NLRP7: variants seen among roughly 807,000 people sequenced by gnomAD.
NLRP7 encodes the protein NLR family pyrin domain containing 7, also known as NACHT, LRR and PYD domains-containing protein 7.
In NLRP7, 72 loss-of-function variants were observed where a neutral mutation model predicts 85.5. The observed-to-expected ratio is 0.84, with a 90% CI of 0.70 to 1.02. The LOEUF is 1.02. NLRP7 is among the 50% of genes least tolerant of loss of function. The pLI is 0.00. For missense variants in NLRP7, 1,243 were observed against 1,219.5 expected (o/e 1.02, Z -0.29); for synonymous variants, 550 against 505.2 (o/e 1.09, Z -1.19).
intron 9 of NLRP7, among the ~76,000 whole-genome samples, chr19:54,924,673 C>T (rs902625306): frequency 4.6e-5 from 7 of 152,114 alleles, no homozygotes; most frequent in Admixed American, 6.6e-5. Context: ...CGGTGACTCA[C>T]GCCTATAATT....
intron 1 of NLRP7, among the ~76,000 whole-genome samples, chr19:54,945,056 G>A (rs1024070268): frequency 6.6e-6 from 1 of 151,492 alleles, no homozygotes; most frequent in Admixed American, 6.6e-5. Flanking sequence ...TGGCTAACAC[G>A]GTGAAACCCC....
At chr19:54,940,568 T>A in intron 3 of NLRP7, 102 bp from the exon 4 acceptor site, 1 of 1,386,882 alleles carries the variant, frequency 7.2e-7, no homozygotes. Flanking sequence ...GTCTCATGCT[T>A]GTAATCCCGG....
intron 1 of NLRP7, 105 bp from the exon 2 acceptor site, chr19:54,941,855 T>G: frequency 1.2e-6 from 1 of 862,640 alleles, no homozygotes; most frequent in African/African-American, 1.7e-5. Flanking sequence ...CAGTGAGTGG[T>G]AAAATATTCC....
intron 1 of NLRP7, among the ~76,000 whole-genome samples, chr19:54,962,790 G>T (rs530616398): frequency 1.3e-5 from 2 of 150,192 alleles, no homozygotes; most frequent in Non-Finnish European, 3.0e-5. Flanking sequence ...TAGTAGAGAC[G>T]GGGTTTCACC....
At chr19:54,929,472 T>C (rs1301592102) in intron 9 of NLRP7, among the ~76,000 whole-genome samples, 1 of 152,214 alleles carries the variant, frequency 6.6e-6, no homozygotes, top group Non-Finnish European at 1.5e-5. Flanking sequence ...TTGCAGATTC[T>C]AGTTGGAAAA....
exon 5 of NLRP7, chr19:54,938,208 C>A (rs188306421): frequency 6.2e-7 from 1 of 1,613,964 alleles, no homozygotes; most frequent in Non-Finnish European, 8.5e-7. Context: ...GAAGATCCTG[C>A]CGAGCCCAGT....
chr19:54,935,211 G>A (rs1298769191), intron 6 of NLRP7, among the ~76,000 whole-genome samples: 1 of 130,586 alleles, frequency 7.7e-6, no homozygotes, highest in East Asian at 2.3e-4. Context: ...GGCCTGTGTG[G>A]ATGATTTTGC....
rs1424485231 is a variant in NLRP7 at position 54,923,968 on chromosome 19, G to A, written c.2811-96C>T. ...TTTTCAAACACTCAAAGCAGGAAAC[G>A]TTTTTGGGATTTTCTGGGGGACAGG... is the stretch of plus-strand genomic sequence containing the variant. On this transcript the variant is annotated intron_variant, in intron 9 of 9. Transcript: ENST00000340844. The A allele has an allele frequency of 3.6e-6, 5 of 1,399,686 alleles. No individual in the cohort carries two copies. The African/African-American group carries it at 4.2e-5, about 12-fold the overall frequency. 86.7% of individuals were successfully genotyped at this position (1,399,686 alleles called of 1,614,324 possible).
chr19:54,963,597 G>C (rs764043775), intron 1 of NLRP7, among the ~76,000 whole-genome samples: 1 of 152,030 alleles, frequency 6.6e-6, no homozygotes, highest in Non-Finnish European at 1.5e-5. Flanking sequence ...GCCGAGGTGA[G>C]CAGATTACCT....
At chr19:54,928,379 G>C in intron 9 of NLRP7, among the ~76,000 whole-genome samples, 1 of 152,158 alleles carries the variant, frequency 6.6e-6, no homozygotes, top group East Asian at 1.9e-4. Flanking sequence ...GGGTGAAAGA[G>C]TGAGACTTGG....
At chr19:54,940,414 C>T (rs927467704) in exon 4 of NLRP7, 49 of 1,613,916 alleles carry the variant, frequency 3.0e-5, no homozygotes, top group African/African-American at 4.0e-5. Flanking sequence ...AAAAGGTGTT[C>T]TTCCAGACCA....
rs1442449107 is a variant in NLRP7, at chr19:54,965,543, C to T, written c.-77+497G>A. Among the ~76,000 whole-genome samples, 2 of 91,880 alleles carry T rather than the reference C, an allele frequency of 2.2e-5. 1 individual carries two copies. Among genetic ancestry groups the T allele is most frequent in the Non-Finnish European group, 4.6e-5 (2 of 43,844 alleles). The allele number at this position is 91,880 out of a possible 152,430, so 60.3% of individuals were successfully genotyped here. The stretch of plus-strand genomic sequence containing the variant: ...CGATCTCTGCTCACTGCAAGCTCCG[C>T]CTCCCGGGTTCACGCCATTCTCCTG... On this transcript the variant is annotated intron_variant, in intron 1 of 2. Coordinates refer to the NLRP7 transcript ENST00000587103.
At chr19:54,950,228 C>T (rs963022790), upstream of NLRP7, among the ~76,000 whole-genome samples, 1 of 152,146 alleles carries the variant, frequency 6.6e-6, no homozygotes, top group Non-Finnish European at 1.5e-5. Flanking sequence ...TCGGACTCCT[C>T]TAAACCTCCC....
chr19:54,933,866 G>T, intron 7 of NLRP7, 127 bp from the exon 8 acceptor site: 1 of 824,954 alleles, frequency 1.2e-6, no homozygotes, highest in Non-Finnish European at 2.1e-6. Context: ...CCTCTGTCCT[G>T]TGGGAGTCAT....
intron 1 of NLRP7, among the ~76,000 whole-genome samples, chr19:54,959,306 T>C (rs1222191232): frequency 6.7e-6 from 1 of 149,292 alleles, no homozygotes; most frequent in Non-Finnish European, 1.5e-5. Flanking sequence ...GCCCGGCTAA[T>C]TTTTGTATTT....
intron 9 of NLRP7, among the ~76,000 whole-genome samples, chr19:54,924,421 A>C (rs916366935): frequency 6.6e-6 from 1 of 151,738 alleles, no homozygotes; most frequent in Non-Finnish European, 1.5e-5. Flanking sequence ...TCCGCAGTTC[A>C]AGGCCAGCCT....
chr19:54,954,246 G>T (rs968098318), intron 1 of NLRP7, among the ~76,000 whole-genome samples: 2 of 148,398 alleles, frequency 1.3e-5, no homozygotes, highest in Non-Finnish European at 3.0e-5. Context: ...ATGGGCAACC[G>T]GCCGGGCGCG....
At chr19:54,925,361 G>T (rs1382512332) in intron 9 of NLRP7, among the ~76,000 whole-genome samples, 1 of 152,046 alleles carries the variant, frequency 6.6e-6, no homozygotes, top group African/African-American at 2.4e-5. Flanking sequence ...TATGCCAGAG[G>T]TTACAATTAT....
rs201973549 is a variant in NLRP7 at position 54,939,802 on chromosome 19, G to C, written c.1017C>G (p.Asp339Glu). 1 of 1,613,912 alleles carries C rather than the reference G, an allele frequency of 6.2e-7. No individual in the cohort carries two copies. ...CAAAGGCACGCATGGCTTGGTCCTC[G>C]TCTCCAAAGTGTCTCAGGAAATAGG... is the stretch of plus-strand genomic sequence containing the variant. The change falls in exon 4 of 10, where the codon GAC becomes GAG. Residue 339 changes from aspartate to glutamate, a missense_variant. Coordinates refer to ENST00000340844, the Ensembl canonical transcript of NLRP7.
Sources: allele counts gnomAD v4.1 joint callset (sites outside exome capture counted in the v4.1 genomes callset), GRCh38; gene constraint gnomAD v4.1.1; transcripts MANE v1.5; gene names NCBI Gene and HGNC (gene_info 2026-07-23, HGNC 2026-07-21).